The following KLHL1 variants were observed in gnomAD, a reference collection of about 807,000 sequenced individuals.
The protein encoded by KLHL1 is kelch like family member 1, also known as kelch-like protein 1.
Under a neutral mutation model 77.7 loss-of-function variants are expected in KLHL1, and 47 were observed. That is an observed-to-expected ratio of 0.60 (90% CI 0.48 to 0.77). The LOEUF (loss-of-function observed/expected upper bound fraction) is 0.77. KLHL1 is among the 30% of genes least tolerant of loss of function. The pLI, the probability that KLHL1 is intolerant of heterozygous loss-of-function variation, is 0.00. For missense variants in KLHL1, 925 were observed against 910.8 expected, an observed-to-expected ratio of 1.02 and a Z score of -0.20; for synonymous variants, 360 against 325.2, an observed-to-expected ratio of 1.11 and a Z score of -1.15.
chr13:70,028,615 G>T (rs1390192374), intron 1 of KLHL1, among the ~76,000 whole-genome samples: 1 of 152,064 alleles, frequency 6.6e-6, no homozygotes, highest in Non-Finnish European at 1.5e-5. Flanking sequence ...ATGCAATGTT[G>T]TCTCAGAGAA....
chr13:69,812,662 T>C (rs2138064634), intron 6 of KLHL1, among the ~76,000 whole-genome samples: 1 of 151,846 alleles, frequency 6.6e-6, no homozygotes, highest in East Asian at 1.9e-4. Flanking sequence ...GGGCAAATGA[T>C]ATGAACAGGC....
chr13:69,777,397 T>C (rs796263235), intron 7 of KLHL1, among the ~76,000 whole-genome samples: 2 of 152,312 alleles, frequency 1.3e-5, no homozygotes, highest in South Asian at 2.1e-4. Context: ...ATTTGATTAT[T>C]AAATTAAAAT....
At chr13:69,858,030 G>A (rs1444120108) in intron 5 of KLHL1, among the ~76,000 whole-genome samples, 1 of 152,066 alleles carries the variant, frequency 6.6e-6, no homozygotes, top group Non-Finnish European at 1.5e-5. Flanking sequence ...TACACCAGTT[G>A]TTAGATACAT....
rs368583201 is a variant in KLHL1 at position 69,762,615 on chromosome 13, C to T, written c.1640-22059G>A. ...CACAAATCAGAAGGGCTGCTCCAGA[C>T]TCTTGGAACTGTGCACCCATTGAAG... On this transcript the variant is annotated intron_variant, in intron 7 of 10. Coordinates refer to ENST00000377844, the MANE Select transcript of KLHL1 (RefSeq NM_020866.3). Among the ~76,000 whole-genome samples the T allele has an allele frequency of 7.4e-4, 111 of 150,464 alleles. 1 individual carries two copies. The South Asian group carries it at 0.023, about 31-fold the overall frequency.
intron 2 of KLHL1, among the ~76,000 whole-genome samples, 185 bp from the exon 3 acceptor site, chr13:69,961,629 T>G (rs1884067419): frequency 6.6e-6 from 1 of 152,102 alleles, no homozygotes; most frequent in Admixed American, 6.6e-5. Flanking sequence ...CTTTTCGTAA[T>G]AGAGCATTCT....
intron 10 of KLHL1, among the ~76,000 whole-genome samples, chr13:69,704,047 A>G (rs1253848564): frequency 2.6e-5 from 4 of 151,668 alleles, no homozygotes; most frequent in African/African-American, 9.7e-5. Flanking sequence ...AGGCTCCCTG[A>G]TGTCCATTCA....
intron 4 of KLHL1, among the ~76,000 whole-genome samples, chr13:69,886,469 C>A (rs1881224548): frequency 6.6e-6 from 1 of 151,116 alleles, no homozygotes; most frequent in African/African-American, 2.4e-5. Flanking sequence ...AAATTATGGT[C>A]TTCCCACATT....
intron 1 of KLHL1, among the ~76,000 whole-genome samples, chr13:70,032,196 G>T (rs540687431): frequency 2.6e-5 from 4 of 152,280 alleles, no homozygotes; most frequent in Non-Finnish European, 1.5e-5. Flanking sequence ...TATGACTATG[G>T]AGTGGTGAAG....
chr13:70,103,364 T>C (rs1887970673), intron 1 of KLHL1, among the ~76,000 whole-genome samples: 1 of 152,130 alleles, frequency 6.6e-6, no homozygotes, highest in Admixed American at 6.6e-5. Flanking sequence ...GTACAGATTG[T>C]CATCAGTTGG....
intron 4 of KLHL1, among the ~76,000 whole-genome samples, chr13:69,886,323 C>G (rs977601959): frequency 1.3e-5 from 2 of 151,692 alleles, no homozygotes; most frequent in African/African-American, 4.8e-5. Flanking sequence ...AATAATTTTT[C>G]TAGCTAAAAC....
chr13:69,964,939 A>G (rs1884170287), intron 2 of KLHL1, among the ~76,000 whole-genome samples: 1 of 152,148 alleles, frequency 6.6e-6, no homozygotes, highest in Non-Finnish European at 1.5e-5. Flanking sequence ...ATTTGATTAC[A>G]TAACAGATAC....
At chr13:69,963,798 A>T (rs1018709404) in intron 2 of KLHL1, among the ~76,000 whole-genome samples, 10 of 152,050 alleles carry the variant, frequency 6.6e-5, no homozygotes, top group African/African-American at 2.4e-4. Context: ...TTCATTTTTG[A>T]AGTCGGCTTT....
At chr13:69,843,588 T>G (rs1859156541) in intron 5 of KLHL1, among the ~76,000 whole-genome samples, 1 of 151,724 alleles carries the variant, frequency 6.6e-6, no homozygotes, top group Non-Finnish European at 1.5e-5. Flanking sequence ...TAGCATAGTA[T>G]TTTTACATAA....
chr13:69,855,746 A>G (rs372193199), intron 5 of KLHL1, among the ~76,000 whole-genome samples: 2 of 150,994 alleles, frequency 1.3e-5, no homozygotes, highest in African/African-American at 4.9e-5. Flanking sequence ...GAGTCAATTA[A>G]ACCTCTTTCC....
intron 3 of KLHL1, among the ~76,000 whole-genome samples, chr13:69,940,982 A>G (rs138280323): frequency 2.4e-4 from 37 of 152,034 alleles, no homozygotes; most frequent in Middle Eastern, 7.0e-3. Context: ...TGATTTTATT[A>G]TCATTTAGAT....
intron 9 of KLHL1, among the ~76,000 whole-genome samples, chr13:69,712,760 G>T (rs200445287): frequency 3.0e-4 from 38 of 127,146 alleles, no homozygotes; most frequent in African/African-American, 3.7e-4. Context: ...TTTGTTTTTT[G>T]TTTTTTTTTT....
At chr13:70,098,748 A>G (rs898893681) in intron 1 of KLHL1, among the ~76,000 whole-genome samples, 1 of 151,806 alleles carries the variant, frequency 6.6e-6, no homozygotes, top group African/African-American at 2.4e-5. Flanking sequence ...GATTTCACAG[A>G]GCATTTTTTA....
intron 1 of KLHL1, among the ~76,000 whole-genome samples, chr13:69,980,739 T>TGGGG (rs1884683030): frequency 6.6e-6 from 1 of 152,042 alleles, no homozygotes; most frequent in African/African-American, 2.4e-5. Flanking sequence ...GAGTATATTG[T>TGGGG]GTGGTGCTGA....
intron 1 of KLHL1, among the ~76,000 whole-genome samples, chr13:70,048,522 A>C (rs758003612): frequency 6.6e-6 from 1 of 152,168 alleles, no homozygotes; most frequent in East Asian, 1.9e-4. Flanking sequence ...GCAGTCTCCA[A>C]ACTTTTTGAC....
Sources: gnomAD v4.1 joint callset for allele counts (sites outside exome capture counted in the v4.1 genomes callset) on GRCh38, gnomAD v4.1.1 for gene constraint, MANE v1.5 for transcripts, NCBI Gene and HGNC (gene_info 2026-07-23, HGNC 2026-07-21) for gene names.